The following MYO1E variants were observed in gnomAD, a reference collection of about 807,000 sequenced individuals.
The protein encoded by MYO1E is myosin IE.
MYO1E carries 68 observed loss-of-function variants against 151.1 expected under a neutral mutation model. The ratio of observed to expected loss-of-function variants is 0.45; its 90% CI spans 0.37 to 0.55. The LOEUF (loss-of-function observed/expected upper bound fraction) is 0.55. Ranked by LOEUF, MYO1E falls within the 20% of genes least tolerant of loss-of-function variation. MYO1E has a pLI of 0.00. For missense variants in MYO1E, 1,363 were observed against 1,389.3 expected (o/e 0.98, Z 0.30); for synonymous variants, 601 against 501.7 (o/e 1.20, Z -2.64).
At chr15:59,256,161 C>T in intron 4 of MYO1E, 123 bp downstream of exon 4, 1 of 730,602 alleles carries the variant, frequency 1.4e-6, no homozygotes. Flanking sequence ...GCTTGCTACT[C>T]AGACACATTA....
At chr15:59,330,646 C>T (rs2080692487) in intron 1 of MYO1E, among the ~76,000 whole-genome samples, 1 of 152,298 alleles carries the variant, frequency 6.6e-6, no homozygotes, top group Non-Finnish European at 1.5e-5. Flanking sequence ...CAATAGCACC[C>T]TCCATTCCAT....
chr15:59,211,794 T>C (rs747205617), intron 12 of MYO1E, among the ~76,000 whole-genome samples: 1 of 152,032 alleles, frequency 6.6e-6, no homozygotes, highest in Non-Finnish European at 1.5e-5. Context: ...GCAAGTCCCA[T>C]TCTCTCACTC....
chr15:59,365,674 A>G (rs529225887), intron 1 of MYO1E, among the ~76,000 whole-genome samples: 13 of 152,334 alleles, frequency 8.5e-5, no homozygotes, highest in South Asian at 6.2e-4. Flanking sequence ...TTTACTTTCT[A>G]TAATGTAACG....
At chr15:59,357,237 C>T (rs898834621) in intron 1 of MYO1E, among the ~76,000 whole-genome samples, 1 of 151,740 alleles carries the variant, frequency 6.6e-6, no homozygotes, top group Non-Finnish European at 1.5e-5. Flanking sequence ...GTATCATATA[C>T]TCAAGTATTG....
At chr15:59,270,753 C>T (rs1466067846) in intron 2 of MYO1E, among the ~76,000 whole-genome samples, 5 of 151,534 alleles carry the variant, frequency 3.3e-5, no homozygotes, top group African/African-American at 1.2e-4. Context: ...ATTCTCCTGC[C>T]TCAACCTCCC....
chr15:59,233,070 G>A (rs2080038060), intron 5 of MYO1E, among the ~76,000 whole-genome samples: 1 of 150,658 alleles, frequency 6.6e-6, no homozygotes, highest in African/African-American at 2.5e-5. Context: ...GCTTTTCTTT[G>A]TAAAATCTAT....
chr15:59,332,744 C>T (rs897489377), intron 1 of MYO1E, among the ~76,000 whole-genome samples: 2 of 151,708 alleles, frequency 1.3e-5, no homozygotes, highest in Non-Finnish European at 2.9e-5. Flanking sequence ...TTTTTAGAGA[C>T]GAGGTCTCAC....
intron 26 of MYO1E, among the ~76,000 whole-genome samples, chr15:59,146,011 A>G (rs1286210447): frequency 1.3e-5 from 2 of 151,968 alleles, no homozygotes; most frequent in African/African-American, 2.4e-5. Context: ...CTTTTGTTTC[A>G]TTATTTCCTT....
chr15:59,138,335 G>C lies in MYO1E; in HGVS notation c.3113C>G (p.Pro1038Arg). ...CTGGGGCTTGGGTCTGCCCCCTGCT[G>C]GGGGAGGCCGACTGGTTGTTTGTCT... ...VRRQTTSRPP[P>R]AGGRPKPQPK... The change falls in exon 27 of 28, where the codon CCA (proline) becomes CGA (arginine). Residue 1038 changes from proline (P) to arginine (R), a missense_variant. By Grantham distance (103) the Pro-to-Arg change is moderately radical. Transcript: ENST00000288235. 1 of 1,614,142 alleles carries C rather than the reference G, an allele frequency of 6.2e-7. No homozygotes were observed. Among genetic ancestry groups the C allele is most frequent in the Middle Eastern group, 1.6e-4 (1 of 6,062 alleles).
intron 17 of MYO1E, among the ~76,000 whole-genome samples, chr15:59,190,209 T>G (rs1402576730): frequency 2.6e-5 from 4 of 152,214 alleles, no homozygotes; most frequent in African/African-American, 9.7e-5. Flanking sequence ...TGAGGCAAAT[T>G]AGACATAAAA....
At chr15:59,296,506 C>A (rs904223730) in intron 1 of MYO1E, among the ~76,000 whole-genome samples, 11 of 152,284 alleles carry the variant, frequency 7.2e-5, no homozygotes, top group Admixed American at 5.9e-4. Flanking sequence ...AGCATGAAGG[C>A]CTAGGGAGAA....
At chr15:59,313,356 A>C (rs1214037482) in intron 1 of MYO1E, among the ~76,000 whole-genome samples, 1 of 152,228 alleles carries the variant, frequency 6.6e-6, no homozygotes, top group African/African-American at 2.4e-5. Flanking sequence ...TATTTGGAAA[A>C]ATTCATTATT....
In MYO1E at chr15:59,273,338, T is replaced by A. The variant is rs576536288; in HGVS notation, c.4-889A>T. Among the ~76,000 whole-genome samples the A allele has an allele frequency of 7.6e-4, 115 of 151,728 alleles. 1 individual carries two copies. Among genetic ancestry groups the A allele is most frequent in the Non-Finnish European group, 2.9e-4 (20 of 67,912 alleles). On this transcript the variant is annotated intron_variant, in intron 1 of 27. Transcript: ENST00000288235. The stretch of plus-strand genomic sequence containing the variant: ...ACGTGACAAGTTCTTATGGCACACT[T>A]GGGGAGCTTAAAGTCCTATGAAGAC...
intron 22 of MYO1E, among the ~76,000 whole-genome samples, chr15:59,170,116 A>G (rs2079583545): frequency 6.6e-6 from 1 of 152,132 alleles, no homozygotes; most frequent in Admixed American, 6.5e-5. Flanking sequence ...AGCTGAGATC[A>G]CGCCACTGCA....
intron 18 of MYO1E, among the ~76,000 whole-genome samples, chr15:59,182,494 T>C (rs2079669776): frequency 1.3e-5 from 2 of 152,156 alleles, no homozygotes; most frequent in Non-Finnish European, 2.9e-5. Flanking sequence ...ATTATAGGCA[T>C]TGAGCCATCT....
intron 4 of MYO1E, among the ~76,000 whole-genome samples, chr15:59,240,995 G>A (rs1246962624): frequency 2.0e-5 from 3 of 152,232 alleles, no homozygotes; most frequent in Non-Finnish European, 4.4e-5. Context: ...ACACAGTGGA[G>A]ATGTGGGTAT....
intron 1 of MYO1E, among the ~76,000 whole-genome samples, chr15:59,307,955 G>T (rs1294322148): frequency 2.7e-5 from 4 of 147,968 alleles, no homozygotes; most frequent in African/African-American, 7.4e-5. Context: ...GGTGGCTCAC[G>T]CCTGTAATCC....
chr15:59,163,590 A>T (rs76567159), intron 22 of MYO1E, among the ~76,000 whole-genome samples: 1 of 151,608 alleles, frequency 6.6e-6, no homozygotes, highest in Non-Finnish European at 1.5e-5. Context: ...AGCCCATATT[A>T]AAAAAAAATC....
intron 5 of MYO1E, among the ~76,000 whole-genome samples, chr15:59,235,965 T>C (rs1211663875): frequency 6.6e-6 from 1 of 152,232 alleles, no homozygotes; most frequent in African/African-American, 2.4e-5. Context: ...TTATATTTCC[T>C]TTTCTATGAG....
Sources: allele counts gnomAD v4.1 joint callset (sites outside exome capture counted in the v4.1 genomes callset), GRCh38; gene constraint gnomAD v4.1.1; transcripts MANE v1.5; gene names NCBI Gene and HGNC (gene_info 2026-07-23, HGNC 2026-07-21).